FANCI: variants seen among roughly 807,000 people sequenced by gnomAD.
FANCI encodes the protein FA complementation group I.
FANCI carries 156 observed loss-of-function variants against 176.1 expected under a neutral mutation model. The ratio of observed to expected loss-of-function variants is 0.89; its 90% confidence interval spans 0.78 to 1.01. FANCI has a LOEUF of 1.01. Ranked by LOEUF, FANCI falls within the 50% of genes least tolerant of loss-of-function variation. The probability of loss-of-function intolerance (pLI) is 0.00; values close to 1 mark genes in which losing one functional copy is unlikely to be tolerated. For synonymous variants in FANCI, 613 were observed against 541.7 expected (o/e 1.13, Z -1.83); for missense variants, 1,678 against 1,534.1 (o/e 1.09, Z -1.57).
intron 17 of FANCI, among the ~76,000 whole-genome samples, chr15:89,283,535 G>T (rs1167533737): frequency 6.6e-6 from 1 of 152,116 alleles, no homozygotes; most frequent in Non-Finnish European, 1.5e-5. Context: ...AGTCCACATT[G>T]TGTTGTGCTA....
chr15:89,279,113 T>TC (rs1331719335), intron 14 of FANCI, among the ~76,000 whole-genome samples: 1 of 152,038 alleles, frequency 6.6e-6, no homozygotes, highest in Admixed American at 6.6e-5. Flanking sequence ...GCACAGTGTT[T>TC]CTCTCTGGTA....
At chr15:89,301,685 C>G (rs916372461) in intron 27 of FANCI, among the ~76,000 whole-genome samples, 1 of 152,116 alleles carries the variant, frequency 6.6e-6, no homozygotes, top group Admixed American at 6.5e-5. Flanking sequence ...TTTGTTTGTT[C>G]AGGGTAGAGT....
chr15:89,289,878 G>A (rs559207613), intron 18 of FANCI, among the ~76,000 whole-genome samples: 2 of 152,042 alleles, frequency 1.3e-5, no homozygotes, highest in East Asian at 1.9e-4. Context: ...TTTTAGTAGA[G>A]ACAGGGTTTT....
At chr15:89,294,036 T>A in intron 23 of FANCI, 39 bp downstream of exon 23, 1 of 1,610,424 alleles carries the variant, frequency 6.2e-7, no homozygotes, top group Non-Finnish European at 8.5e-7. Context: ...AGCCACTCCC[T>A]GAGGATCGTA....
chr15:89,296,845 C>A (rs2054298718), intron 24 of FANCI, among the ~76,000 whole-genome samples: 1 of 150,244 alleles, frequency 6.7e-6, no homozygotes. Flanking sequence ...GGGCGGCTGG[C>A]CGGGCAGAGG....
intron 7 of FANCI, 150 bp downstream of exon 7, chr15:89,263,610 C>T (rs926717120): frequency 1.3e-4 from 106 of 813,028 alleles, no homozygotes; most frequent in Non-Finnish European, 2.0e-4. Context: ...CAGATTCCCT[C>T]CTCACTCCTG....
intron 24 of FANCI, among the ~76,000 whole-genome samples, chr15:89,299,208 C>CA (rs2054435729): frequency 1.3e-5 from 2 of 150,750 alleles, no homozygotes; most frequent in South Asian, 2.1e-4. Flanking sequence ...TATCTCTATT[C>CA]AAAAAAACCT....
chr15:89,312,377 A>G (rs1395126247), intron 34 of FANCI, among the ~76,000 whole-genome samples: 1 of 152,234 alleles, frequency 6.6e-6, no homozygotes, highest in Non-Finnish European at 1.5e-5. Context: ...AGAACAACAG[A>G]TTGTAAACCT....
At chr15:89,268,320 C>T in intron 9 of FANCI, 79 bp from the exon 10 acceptor site, 1 of 1,523,914 alleles carries the variant, frequency 6.6e-7, no homozygotes. Context: ...ATGCGCCCGC[C>T]TTGGCCTCCC....
At chr15:89,268,957 G>C (rs2053090607) in intron 10 of FANCI, among the ~76,000 whole-genome samples, 1 of 152,094 alleles carries the variant, frequency 6.6e-6, no homozygotes, top group African/African-American at 2.4e-5. Context: ...GTTGTGTGAT[G>C]CTAAGTCATT....
intron 1 of FANCI, among the ~76,000 whole-genome samples, chr15:89,244,858 A>G (rs111463099): frequency 0.015 from 2,280 of 152,300 alleles, 62 homozygotes; most frequent in African/African-American, 0.053. Flanking sequence ...TGTGGGAGTC[A>G]TGTTAATGAA....
At position 89,305,262 on chromosome 15, in the gene FANCI, G is replaced by A; in HGVS notation, c.3186+20G>A. 2 of 1,614,222 alleles carry A rather than the reference G, an allele frequency of 1.2e-6. No individual in the cohort carries two copies. Among genetic ancestry groups the A allele is most frequent in the Non-Finnish European group, 8.5e-7 (1 of 1,180,036 alleles). On this transcript the variant is annotated intron_variant, in intron 29 of 37. Transcript: ENST00000310775. The stretch of plus-strand genomic sequence containing the variant: ...GACCAGGTACTATAATGAGCCTTCA[G>A]TACAATACCCTGTGTGGGGATGGGG...
At chr15:89,253,786 TGGGG>T (rs11319263) in intron 2 of FANCI, among the ~76,000 whole-genome samples, 6 of 111,836 alleles carry the variant, frequency 5.4e-5, no homozygotes, top group South Asian at 3.4e-4. Flanking sequence ...AAATAACTTG[TGGGG>T]GGGGGGGGGA....
At chr15:89,255,943 C>A (rs1350440260) in intron 2 of FANCI, among the ~76,000 whole-genome samples, 1 of 152,204 alleles carries the variant, frequency 6.6e-6, no homozygotes. Flanking sequence ...TTCTTCTCCC[C>A]TTTATCTCAG....
Position 89,306,100 on chromosome 15 carries a change from T to C in FANCI, c.3443T>C (p.Leu1148Pro). Residue 1148 changes from leucine to proline, a missense_variant, in exon 32 of 38, where the codon CTG (leucine) becomes CCG (proline). Physicochemically the swap from Leu to Pro is moderately conservative, Grantham distance 98. Transcript: ENST00000310775. ...LGTLLTFFHE[L>P]VQTALPSGSC... ...ACTCTGCTTACATTTTTCCACGAGCTGGTGCAGACAGCTCTGCCATCAGGC... is the reference window on the plus strand; with the variant it reads ...ACTCTGCTTACATTTTTCCACGAGCCGGTGCAGACAGCTCTGCCATCAGGC... The C allele has an allele frequency of 6.2e-7, 1 of 1,614,226 alleles. No homozygotes were observed. Among genetic ancestry groups the C allele is most frequent in the Middle Eastern group, 1.6e-4 (1 of 6,062 alleles).
Position 89,260,713 on chromosome 15 carries a change from G to A in FANCI, c.158G>A (p.Gly53Asp). ...TGAACCCCCTGTTTAAAACAATAAG[G>A]TTCCCCCTGCTCTGAGGAAGCTGGA... ...AGALLRAIFK[G>D]SPCSEEAGTL... Residue 53 changes from glycine to aspartate, a missense_variant and splice_region_variant, in exon 4 of 38, where the codon GGT (glycine) becomes GAT (aspartate). By Grantham distance (94) the Gly-to-Asp change is moderately conservative. This residue lies in a region of FANCI where 469 missense variants were observed against 436.9 expected (regional missense o/e 1.07). Transcript: ENST00000310775. 6.2e-7 allele frequency: 1 copy of A among 1,613,472 alleles called. No homozygotes were observed. Among genetic ancestry groups the A allele is most frequent in the Non-Finnish European group, 8.5e-7 (1 of 1,179,680 alleles).
chr15:89,310,653 T>G (rs939737980), intron 34 of FANCI, among the ~76,000 whole-genome samples: 7 of 152,240 alleles, frequency 4.6e-5, no homozygotes, highest in African/African-American at 1.7e-4. Flanking sequence ...ATGGTTCCAT[T>G]AACTCCAGCT....
intron 3 of FANCI, 31 bp from the exon 4 acceptor site, chr15:89,260,682 T>C: frequency 6.2e-7 from 1 of 1,612,012 alleles, no homozygotes; most frequent in Non-Finnish European, 8.5e-7. Context: ...TTGTAAGACT[T>C]GTTTCTGAAC....
chr15:89,261,922 G>A (rs2052725667), intron 6 of FANCI, 44 bp downstream of exon 6: 2 of 1,595,434 alleles, frequency 1.3e-6, no homozygotes, highest in Non-Finnish European at 1.7e-6. Context: ...AATACAAGTG[G>A]CGGAAAAAAA....
Sources: allele counts gnomAD v4.1 joint callset (sites outside exome capture counted in the v4.1 genomes callset), GRCh38; gene constraint gnomAD v4.1.1; regional missense constraint gnomAD v4.1.1; transcripts MANE v1.5; gene names NCBI Gene and HGNC (gene_info 2026-07-23, HGNC 2026-07-21).